Variants in CNTN2 observed in about 807,000 individuals in gnomAD.
CNTN2 encodes the protein contactin-2.
CNTN2 carries 53 observed loss-of-function variants against 117.5 expected under a neutral mutation model. That is an observed-to-expected ratio of 0.45 (90% CI 0.36 to 0.57). CNTN2 has a LOEUF of 0.57. Among genes scored for constraint, CNTN2 ranks in the 20% least tolerant of loss-of-function variants. CNTN2 has a pLI of 0.00. For missense variants in CNTN2, 1,106 were observed against 1,404.3 expected, an observed-to-expected ratio of 0.79 and a Z score of 3.39; for synonymous variants, 530 against 561.7, an observed-to-expected ratio of 0.94 and a Z score of 0.80.
In CNTN2 at chr1:205,073,020, A is replaced by G. The variant is rs778947008; in HGVS notation, c.2845-48A>G. ...ACCTAAAGCTGGGGATGACTCAACG[A>G]TCAGCCCTGGTGTCAGGAAACTCCA... On this transcript the variant is annotated intron_variant, in intron 21 of 22. Coordinates refer to ENST00000331830, the MANE Select transcript of CNTN2 (RefSeq NM_005076.5). The surrounding 1 kb of genome is among the most constrained non-coding windows in gnomAD (Gnocchi z 6.3). The G allele has an allele frequency of 1.9e-6, 3 of 1,602,502 alleles. No individual in the cohort carries two copies. In the Admixed American group the frequency reaches 5.1e-5, roughly 27 times the overall value.
chr1:205,071,621 C>T (rs1654596727), intron 19 of CNTN2, among the ~76,000 whole-genome samples: 1 of 152,186 alleles, frequency 6.6e-6, no homozygotes, highest in Non-Finnish European at 1.5e-5. Flanking sequence ...TTTTCTGTCC[C>T]TTAGCAGAAT....
At chr1:205,071,112 G>A (rs897626647) in intron 19 of CNTN2, among the ~76,000 whole-genome samples, 2 of 152,178 alleles carry the variant, frequency 1.3e-5, no homozygotes, top group African/African-American at 4.8e-5. Flanking sequence ...AGGGTAGAAG[G>A]AACAGGTTCT....
chr1:205,072,561 C>A lies in CNTN2; in HGVS notation c.2810C>A (p.Pro937His). The A allele has an allele frequency of 6.2e-7, 1 of 1,614,136 alleles. No individual in the cohort carries two copies. ...SLSIKWDPVVPFRNESAVTGY... is the reference protein window; with the variant it reads ...SLSIKWDPVVHFRNESAVTGY... ...AGCATTAAGTGGGACCCTGTGGTCC[C>A]TTTCCGAAATGAGTCTGCAGTCACC... Residue 937 changes from proline to histidine, a missense_variant, in exon 21 of 23, where the codon CCT becomes CAT. Transcript: ENST00000331830.
chr1:205,053,158 G>A lies in CNTN2; in HGVS notation c.-28G>A, dbSNP rs200435390. On this transcript the variant is annotated 5_prime_UTR_variant, in exon 2 of 23. Transcript: ENST00000331830. ...AGCTGAGCTGAGGCTCTTCTCCTCC[G>A]ATCCCCACCTCTGCCCGGACATCCA... 302 of 1,598,936 alleles carry A rather than the reference G, an allele frequency of 1.9e-4. No individual in the cohort carries two copies. The highest frequency in any genetic ancestry group is 5.9e-4 in the East Asian group (26 of 44,352).
In CNTN2 at chr1:205,073,509, G is replaced by A; in HGVS notation, c.3014-147G>A. The stretch of plus-strand genomic sequence containing the variant: ...AGCAAACGGCCTACAAAGCACCGTA[G>A]GAGTCGGACTGAGAAGACCACCCAG... On this transcript the variant is annotated intron_variant, in intron 22 of 22. Coordinates refer to ENST00000331830, the MANE Select transcript of CNTN2 (RefSeq NM_005076.5). This position sits in a 1 kb window ranked among gnomAD's most constrained non-coding sequence, Gnocchi z 6.3. The A allele has an allele frequency of 1.3e-6, 1 of 767,628 alleles. No homozygotes were observed. Among genetic ancestry groups the A allele is most frequent in the Non-Finnish European group, 2.1e-6 (1 of 468,864 alleles). 47.6% of individuals were successfully genotyped at this position (767,628 alleles called of 1,614,324 possible). A position where few individuals can be genotyped will look rare whatever the true frequency, so the allele number is the denominator to read the frequency against.
At position 205,048,737 on chromosome 1, in the gene CNTN2, G is replaced by A. The variant is rs140206244; in HGVS notation, c.-86-4363G>A. ...AGCGCATTCTAGGCTGCACTCGGGCGGTCGGGGAGCTCTGTAGAGGCAGTA... is the reference window on the plus strand; with the variant it reads ...AGCGCATTCTAGGCTGCACTCGGGCAGTCGGGGAGCTCTGTAGAGGCAGTA... On this transcript the variant is annotated intron_variant, in intron 1 of 22. Transcript: ENST00000331830. The surrounding 1 kb of genome is among the most constrained non-coding windows in gnomAD (Gnocchi z 4.1). Among the ~76,000 whole-genome samples, 108 of 152,292 alleles carry A rather than the reference G, an allele frequency of 7.1e-4. 3 individuals are homozygous for A. In the East Asian group the frequency reaches 0.017, roughly 23 times the overall value.
chr1:205,049,532 C>T (rs1360801062), intron 1 of CNTN2, among the ~76,000 whole-genome samples: 1 of 152,136 alleles, frequency 6.6e-6, no homozygotes, highest in Non-Finnish European at 1.5e-5. Flanking sequence ...GCTGTGGGAG[C>T]TAGGGACTCC....
chr1:205,077,643 G>A lies in CNTN2; in HGVS notation c.*3878G>A, dbSNP rs1654927315. 6.6e-6 allele frequency: 1 copy of A among 152,284 alleles called. No individual in the cohort carries two copies. Among genetic ancestry groups the A allele is most frequent in the Non-Finnish European group, 1.5e-5 (1 of 68,082 alleles). The allele number at this position is 152,284 out of a possible 1,614,324, so 9.4% of individuals were successfully genotyped here. A position where few individuals can be genotyped will look rare whatever the true frequency, so the allele number is the denominator to read the frequency against. ...CCGTGGACTTGTGTATATGGTCATA[G>A]GCTTTGGGAAGACAGGACGTAAAGG... On this transcript the variant is annotated 3_prime_UTR_variant, in exon 23 of 23. Transcript: ENST00000331830.
intron 1 of CNTN2, among the ~76,000 whole-genome samples, chr1:205,049,942 G>A (rs2096449442): frequency 2.6e-5 from 4 of 152,156 alleles, no homozygotes; most frequent in Admixed American, 2.6e-4. Context: ...CTTGAGACAG[G>A]TCCAAACAGC....
At position 205,067,114 on chromosome 1, in the gene CNTN2, C is replaced by T. The variant is rs573970264; in HGVS notation, c.1989C>T (p.Ile663=). ...GGTGCCTTGCAGATCCTGCAAACAT[C>T]GAGGGCAATGCCGAGACTGCACAGG... is the stretch of plus-strand genomic sequence containing the variant. ...WKQVRTNPAN[I]EGNAETAQVL... is the part of the protein sequence containing the mutation. The change falls in exon 16 of 23, where the codon ATC becomes ATT. Residue 663 remains isoleucine, a synonymous_variant. Coordinates refer to ENST00000331830, the MANE Select transcript of CNTN2 (RefSeq NM_005076.5). 5 of 1,610,612 alleles carry T rather than the reference C, an allele frequency of 3.1e-6. No individual in the cohort carries two copies. Among genetic ancestry groups the T allele is most frequent in the Admixed American group, 3.4e-5 (2 of 59,266 alleles).
chr1:205,046,346 G>T (rs149699944), intron 1 of CNTN2, among the ~76,000 whole-genome samples: 317 of 152,302 alleles, frequency 2.1e-3, no homozygotes, highest in South Asian at 3.7e-3. Context: ...CACTACGTAG[G>T]TGGGGAAGTC....
rs372770549 is a variant in CNTN2 at position 205,059,725 on chromosome 1, G to A, written c.797+43G>A. 1.3e-6 allele frequency: 2 copies of A among 1,555,266 alleles called. No individual in the cohort carries two copies. Among genetic ancestry groups the A allele is most frequent in the Non-Finnish European group, 1.8e-6 (2 of 1,127,316 alleles). On this transcript the variant is annotated intron_variant, in intron 7 of 22. Transcript: ENST00000331830. This position sits in a 1 kb window ranked among gnomAD's most constrained non-coding sequence, Gnocchi z 5.6. The stretch of plus-strand genomic sequence containing the variant: ...GGGGAAGCAGAGCACGGTCTCTCGG[G>A]GGCACAGGTGACCCCAGGGTGAGGG...
chr1:205,062,521 G>A lies in CNTN2; in HGVS notation c.1192G>A (p.Glu398Lys), dbSNP rs761256115. 6.2e-7 allele frequency: 1 copy of A among 1,614,152 alleles called. No homozygotes were observed. Among genetic ancestry groups the A allele is most frequent in the Non-Finnish European group, 8.5e-7 (1 of 1,180,008 alleles). ...CTCGGGCATGTACCAGTGTGTGGCA[G>A]AGAATAAGCACGGTACCATCTACGC... ...EDSGMYQCVAENKHGTIYASA... is the reference protein window; with the variant it reads ...EDSGMYQCVAKNKHGTIYASA... The change falls in exon 10 of 23, where the codon GAG becomes AAG. Residue 398 changes from glutamate to lysine, a missense_variant. Coordinates refer to ENST00000331830, the MANE Select transcript of CNTN2 (RefSeq NM_005076.5).
In CNTN2 at chr1:205,065,822, G is replaced by A. The variant is rs1196499204; in HGVS notation, c.1729G>A (p.Ala577Thr). 4 of 1,614,002 alleles carry A rather than the reference G, an allele frequency of 2.5e-6. No individual in the cohort carries two copies. The highest frequency in any genetic ancestry group is 2.7e-5 in the African/African-American group (2 of 75,016). Residue 577 changes from alanine (A) to threonine (T), a missense_variant, in exon 14 of 23, where the codon GCC (alanine) becomes ACC (threonine). Ala to Thr is a moderately conservative substitution (Grantham distance 58, BLOSUM62 0). Transcript: ENST00000331830. The surrounding 1 kb of genome is among the most constrained non-coding windows in gnomAD (Gnocchi z 4.1). ...CATTGGGGATCTGACCATCCTGAAC[G>A]CCCAGCTGCGCCATGGGGGGAAGTA... ...ETIGDLTILN[A>T]QLRHGGKYTC...
Position 205,058,267 on chromosome 1 carries a change from C to G in CNTN2, c.302C>G (p.Thr101Ser). 1 of 1,543,156 alleles carries G rather than the reference C, an allele frequency of 6.5e-7. No individual in the cohort carries two copies. The highest frequency in any genetic ancestry group is 8.7e-7 in the Non-Finnish European group (1 of 1,144,920). ...GGCAACCTGGTCATCATGAACCCCA[C>G]CAAGGCACAGGATGCCGGGGTCTAC... Reference protein sequence around the residue: ...VGGNLVIMNPTKAQDAGVYQC... With the variant: ...VGGNLVIMNPSKAQDAGVYQC... Residue 101 changes from threonine to serine, a missense_variant, in exon 4 of 23, where the codon ACC (threonine) becomes AGC (serine). Physicochemically the swap from Thr to Ser is moderately conservative, Grantham distance 58. Coordinates refer to ENST00000331830, the MANE Select transcript of CNTN2 (RefSeq NM_005076.5). This position sits in a 1 kb window ranked among gnomAD's most constrained non-coding sequence, Gnocchi z 4.3.
intron 1 of CNTN2, among the ~76,000 whole-genome samples, chr1:205,047,355 T>C (rs2096443351): frequency 6.6e-6 from 1 of 152,038 alleles, no homozygotes; most frequent in Non-Finnish European, 1.5e-5. Context: ...CACAGAGCCC[T>C]GTACTGACCA....
chr1:205,049,319 C>CACACAGACAT lies in CNTN2; in HGVS notation c.-86-3776_-86-3775insGACATACACA, dbSNP rs1438463733. ...ACACACACACACACACACACACACA[C>CACACAGACAT]ACACACAGACATACACACAAAGACC... On this transcript the variant is annotated intron_variant, in intron 1 of 22. Transcript: ENST00000331830. 2.7e-5 allele frequency among the ~76,000 whole-genome samples: 4 copies of CACACAGACAT among 150,064 alleles called. No homozygotes were observed. In the East Asian group the frequency reaches 7.8e-4, roughly 29 times the overall value.
At chr1:205,047,560 T>G (rs1444011367) in intron 1 of CNTN2, among the ~76,000 whole-genome samples, 1 of 152,136 alleles carries the variant, frequency 6.6e-6, no homozygotes, top group African/African-American at 2.4e-5. Context: ...GTACCAGGTA[T>G]AACTCTGGCA....
chr1:205,073,167 G>C lies in CNTN2; in HGVS notation c.2944G>C (p.Val982Leu). Reference sequence around the variant, plus strand: ...GCCTGAAGACATTGGCCATGCCCTGGTACAAATTCGGACCACAGGGCCCGG... The same window carrying C: ...GCCTGAAGACATTGGCCATGCCCTGCTACAAATTCGGACCACAGGGCCCGG... ...PVPEDIGHAL[V>L]QIRTTGPGGD... is the part of the protein sequence containing the mutation. The change falls in exon 22 of 23, where the codon GTA becomes CTA. Residue 982 changes from valine to leucine, a missense_variant. Physicochemically the swap from Val to Leu is conservative, Grantham distance 32. Transcript: ENST00000331830. The surrounding 1 kb of genome is among the most constrained non-coding windows in gnomAD (Gnocchi z 6.3). 6.2e-7 allele frequency: 1 copy of C among 1,614,080 alleles called. No individual in the cohort carries two copies. The highest frequency in any genetic ancestry group is 1.7e-5 in the Admixed American group (1 of 60,018).
Sources: allele counts gnomAD v4.1 joint callset (sites outside exome capture counted in the v4.1 genomes callset), GRCh38; gene constraint gnomAD v4.1.1; non-coding constraint Gnocchi (gnomAD v3.1); transcripts MANE v1.5; gene names NCBI Gene and HGNC (gene_info 2026-07-23, HGNC 2026-07-21).